ARHGEF15: variants seen among roughly 807,000 people sequenced by gnomAD.
The protein encoded by ARHGEF15 is Rho guanine nucleotide exchange factor 15.
In ARHGEF15, 58 loss-of-function variants were observed where a neutral mutation model predicts 79.7. That is an observed-to-expected ratio of 0.73 (90% CI 0.59 to 0.91). The LOEUF (loss-of-function observed/expected upper bound fraction) is 0.91. Ranked by LOEUF, ARHGEF15 falls within the 40% of genes least tolerant of loss-of-function variation. ARHGEF15 has a pLI of 0.00. For synonymous variants in ARHGEF15, 442 were observed against 456.0 expected (o/e 0.97, Z 0.39); for missense variants, 1,012 against 1,108.1 (o/e 0.91, Z 1.23).
chr17:8,315,140 TCTC>T lies in ARHGEF15; in HGVS notation c.1125_1127del (p.Pro376del). ...GGGGGTGGGTGAGGATGGGAGTCCTTCTCCAGCAAATGCTGGAGATGCACCCAC... is the reference window on the plus strand; with the variant it reads ...GGGGGTGGGTGAGGATGGGAGTCCTTCAGCAAATGCTGGAGATGCACCCAC... On this transcript the variant is annotated inframe_deletion, in exon 6 of 16. Coordinates refer to ENST00000361926, the MANE Select transcript of ARHGEF15 (RefSeq NM_173728.4). This position sits in a 1 kb window ranked among gnomAD's most constrained non-coding sequence, Gnocchi z 4.3. 1 of 1,613,946 alleles carries T rather than the reference TCTC, an allele frequency of 6.2e-7. No homozygotes were observed. Among genetic ancestry groups the T allele is most frequent in the South Asian group, 1.1e-5 (1 of 91,076 alleles).
chr17:8,314,955 C>A lies in ARHGEF15; in HGVS notation c.1039C>A (p.Leu347Met), dbSNP rs1904908731. The change falls in exon 5 of 16, where the codon CTG (leucine) becomes ATG (methionine). Residue 347 changes from leucine to methionine, a missense_variant. This residue lies in a region of ARHGEF15 where 818 missense variants were observed against 882.5 expected (regional missense o/e 0.93). Coordinates refer to ENST00000361926, the MANE Select transcript of ARHGEF15 (RefSeq NM_173728.4). ...VLKEQNWELP[L>M]QDEPLYQTYR... is the part of the protein sequence containing the mutation. ...GAAGGAGCAGAATTGGGAGCTGCCC[C>A]TGCAGGATGGTGAGGGCCTCTGGAC... 1 of 1,613,928 alleles carries A rather than the reference C, an allele frequency of 6.2e-7. No individual in the cohort carries two copies. The highest frequency in any genetic ancestry group is 8.5e-7 in the Non-Finnish European group (1 of 1,180,000).
At chr17:8,313,349 C>G in intron 3 of ARHGEF15, 95 bp downstream of exon 3, 2 of 1,507,646 alleles carry the variant, frequency 1.3e-6, no homozygotes, top group Non-Finnish European at 1.8e-6. Flanking sequence ...CCCCAACAGG[C>G]ACTGGGCTCT....
At chr17:8,312,774 G>C (rs1904733718) in intron 2 of ARHGEF15, 134 bp downstream of exon 2, 1 of 1,578,848 alleles carries the variant, frequency 6.3e-7, no homozygotes. Flanking sequence ...CTGTATGTCG[G>C]GATTTGAAGG....
chr17:8,315,365 C>T lies in ARHGEF15; in HGVS notation c.1261-49C>T, dbSNP rs766715973. On this transcript the variant is annotated intron_variant, in intron 6 of 15. Coordinates refer to ENST00000361926, the MANE Select transcript of ARHGEF15 (RefSeq NM_173728.4). This position sits in a 1 kb window ranked among gnomAD's most constrained non-coding sequence, Gnocchi z 4.3. ...AGGGGAGGAGGGCCCAGGGTCCTAG[C>T]TTCCCACGGTGAACTGGGCTTCCCA... is the stretch of plus-strand genomic sequence containing the variant. The T allele has an allele frequency of 6.2e-7, 1 of 1,612,506 alleles. No individual in the cohort carries two copies. Among genetic ancestry groups the T allele is most frequent in the South Asian group, 1.1e-5 (1 of 90,908 alleles).
chr17:8,320,784 G>A (rs990375127), intron 15 of ARHGEF15, 58 bp from the exon 16 acceptor site: 8 of 1,568,038 alleles, frequency 5.1e-6, no homozygotes, highest in Non-Finnish European at 5.2e-6. Context: ...GGCCCCCTTT[G>A]CCTCCTCACC....
Position 8,319,083 on chromosome 17 carries a change from C to T in ARHGEF15, c.2110C>T (p.Pro704Ser). 1 of 1,614,016 alleles carries T rather than the reference C, an allele frequency of 6.2e-7. No homozygotes were observed. The highest frequency in any genetic ancestry group is 8.5e-7 in the Non-Finnish European group (1 of 1,180,000). Residue 704 changes from proline to serine, a missense_variant, in exon 13 of 16, where the codon CCC (proline) becomes TCC (serine). Physicochemically the swap from Pro to Ser is moderately conservative, Grantham distance 74. Coordinates refer to ENST00000361926, the MANE Select transcript of ARHGEF15 (RefSeq NM_173728.4). Reference protein sequence around the residue: ...QAQQVPDPSGPPTFRLSLLSN... With the variant: ...QAQQVPDPSGSPTFRLSLLSN... ...CCAGCAGGTTCCGGATCCATCTGGACCCCCTACCTTCCGCCTCTCCCTTCT... is the reference window on the plus strand; with the variant it reads ...CCAGCAGGTTCCGGATCCATCTGGATCCCCTACCTTCCGCCTCTCCCTTCT...
chr17:8,312,841 C>T, intron 2 of ARHGEF15, 81 bp from the exon 3 acceptor site: 3 of 1,560,110 alleles, frequency 1.9e-6, no homozygotes, highest in African/African-American at 1.3e-5. Flanking sequence ...AGTTGCTGGG[C>T]AGGTTAAAGA....
intron 1 of ARHGEF15, 148 bp from the exon 2 acceptor site, chr17:8,311,843 G>A (rs1009651471): frequency 2.0e-5 from 10 of 490,822 alleles, no homozygotes; most frequent in African/African-American, 4.0e-5. Flanking sequence ...GACACGGAGC[G>A]GCTGTATCCC....
chr17:8,318,608 G>C lies in ARHGEF15; in HGVS notation c.1818G>C (p.Lys606Asn), dbSNP rs1204838822. ...GCAGCGCTGAGGTGGGGCGCATGAA[G>C]CAGACTGAAGAGCTGATCCGGCTCA... ...ERCSAEVGRM[K>N]QTEELIRLTQ... is the part of the protein sequence containing the mutation. The change falls in exon 11 of 16, where the codon AAG becomes AAC. Residue 606 changes from lysine (K) to asparagine (N), a missense_variant. Transcript: ENST00000361926. This position sits in a 1 kb window ranked among gnomAD's most constrained non-coding sequence, Gnocchi z 5.0. 1 of 1,613,730 alleles carries C rather than the reference G, an allele frequency of 6.2e-7. No homozygotes were observed. Among genetic ancestry groups the C allele is most frequent in the East Asian group, 2.2e-5 (1 of 44,880 alleles).
intron 9 of ARHGEF15, among the ~76,000 whole-genome samples, chr17:8,317,711 A>C (rs942879679): frequency 2.6e-5 from 4 of 152,032 alleles, no homozygotes; most frequent in African/African-American, 9.7e-5. Context: ...TAATCTAAGC[A>C]CTCTTAGCTA....
Position 8,313,172 on chromosome 17 carries a change from T to G in ARHGEF15, c.852T>G (p.Thr284=). The change falls in exon 3 of 16, where the codon ACT becomes ACG. Residue 284 remains threonine (T), a synonymous_variant. Coordinates refer to ENST00000361926, the MANE Select transcript of ARHGEF15 (RefSeq NM_173728.4). ...CACTCCTCAAGCCTCCCAAACCAAC[T>G]CGTGTCAGGCAGGATGCCACCATTT... The part of the protein sequence containing the change: ...LLPLLKPPKP[T]RVRQDATIFG... 6.3e-7 allele frequency: 1 copy of G among 1,578,232 alleles called. No individual in the cohort carries two copies. The highest frequency in any genetic ancestry group is 8.6e-7 in the Non-Finnish European group (1 of 1,159,042).
At chr17:8,316,488 C>T (rs147579158) in intron 9 of ARHGEF15, among the ~76,000 whole-genome samples, 7 of 152,168 alleles carry the variant, frequency 4.6e-5, no homozygotes, top group Non-Finnish European at 7.3e-5. Context: ...AGTGTGTGAG[C>T]GGTTTTTGAG....
At chr17:8,320,332 C>T (rs1163197793) in intron 15 of ARHGEF15, among the ~76,000 whole-genome samples, 1 of 151,240 alleles carries the variant, frequency 6.6e-6, no homozygotes, top group African/African-American at 2.4e-5. Context: ...GTTGGGCAGA[C>T]TGAAATTTTC....
chr17:8,313,096 C>A lies in ARHGEF15; in HGVS notation c.776C>A (p.Pro259His). The A allele has an allele frequency of 6.2e-7, 1 of 1,613,698 alleles. No individual in the cohort carries two copies. Among genetic ancestry groups the A allele is most frequent in the Non-Finnish European group, 8.5e-7 (1 of 1,179,938 alleles). Residue 259 changes from proline (P) to histidine (H), a missense_variant, in exon 3 of 16, where the codon CCT becomes CAT. By Grantham distance (77) the Pro-to-His change is moderately conservative (BLOSUM62 -2). This residue lies in a region of ARHGEF15 where 818 missense variants were observed against 882.5 expected (regional missense o/e 0.93). Coordinates refer to ENST00000361926, the MANE Select transcript of ARHGEF15 (RefSeq NM_173728.4). ...SRPHPPSIGH[P>H]AVVLTSYRST... Reference sequence around the variant, plus strand: ...CCCCACCCTCCAAGCATCGGTCACCCTGCCGTTGTCCTCACATCCTACCGC... The same window carrying A: ...CCCCACCCTCCAAGCATCGGTCACCATGCCGTTGTCCTCACATCCTACCGC...
intron 15 of ARHGEF15, among the ~76,000 whole-genome samples, chr17:8,319,877 TC>T (rs1437537386): frequency 1.3e-5 from 2 of 151,858 alleles, no homozygotes; most frequent in African/African-American, 4.8e-5. Flanking sequence ...AGGTGATCCG[TC>T]CCCTTTCACC....
chr17:8,314,765 C>T (rs1403389889), intron 4 of ARHGEF15, 141 bp from the exon 5 acceptor site: 1 of 591,368 alleles, frequency 1.7e-6, no homozygotes, highest in Non-Finnish European at 2.6e-6. Flanking sequence ...AAAAAAAAAG[C>T]CTGAGGTTTG....
In ARHGEF15 at chr17:8,313,518, G is replaced by T. The variant is rs755121072; in HGVS notation, c.952G>T (p.Ala318Ser). Residue 318 changes from alanine to serine, a missense_variant, in exon 4 of 16, where the codon GCT becomes TCT. This residue lies in a region of ARHGEF15 where 818 missense variants were observed against 882.5 expected (regional missense o/e 0.93). Transcript: ENST00000361926. Reference sequence around the variant, plus strand: ...CTCTCCAGGGGACAGTCCTGATGAAGCTCCTCAGAATACTCCTCCAGCAAC... The same window carrying T: ...CTCTCCAGGGGACAGTCCTGATGAATCTCCTCAGAATACTCCTCCAGCAAC... ...GIQTGDSPDE[A>S]PQNTPPATVE... 6 of 1,613,390 alleles carry T rather than the reference G, an allele frequency of 3.7e-6. No individual in the cohort carries two copies. The highest frequency in any genetic ancestry group is 1.7e-5 in the Admixed American group (1 of 59,954).
chr17:8,315,256 C>G lies in ARHGEF15; in HGVS notation c.1239C>G (p.Pro413=). The change falls in exon 6 of 16, where the codon CCC becomes CCG. Residue 413 remains proline, a synonymous_variant. Coordinates refer to ENST00000361926, the MANE Select transcript of ARHGEF15 (RefSeq NM_173728.4). This position sits in a 1 kb window ranked among gnomAD's most constrained non-coding sequence, Gnocchi z 4.3. ...GCGGTCTTCTGGATACCCTCAGCCC[C>G]CAGGAGAGGCGCATGCAGGAGGTGG... is the stretch of plus-strand genomic sequence containing the variant. The part of the protein sequence containing the change: ...QASGLLDTLS[P]QERRMQESLF... The G allele has an allele frequency of 1.2e-6, 2 of 1,613,282 alleles. No individual in the cohort carries two copies. Among genetic ancestry groups the G allele is most frequent in the Non-Finnish European group, 1.7e-6 (2 of 1,179,898 alleles).
Position 8,312,313 on chromosome 17 carries a change from G to C in ARHGEF15, c.274G>C (p.Asp92His). ...CAGCCTCGACTCCCAGACTTCCCCA[G>C]ACTCACCTTCCAGCACCCCCACACC... ...RASLDSQTSP[D>H]SPSSTPTPSP... is the part of the protein sequence containing the mutation. Residue 92 changes from aspartate (D) to histidine (H), a missense_variant, in exon 2 of 16, where the codon GAC becomes CAC. Asp to His is a moderately conservative substitution (Grantham distance 81, BLOSUM62 -1). This residue lies in a region of ARHGEF15 where 818 missense variants were observed against 882.5 expected (regional missense o/e 0.93). Transcript: ENST00000361926. 1 of 1,565,580 alleles carries C rather than the reference G, an allele frequency of 6.4e-7. No homozygotes were observed. Among genetic ancestry groups the C allele is most frequent in the Non-Finnish European group, 8.6e-7 (1 of 1,157,530 alleles).
Sources: allele counts gnomAD v4.1 joint callset (sites outside exome capture counted in the v4.1 genomes callset), GRCh38; gene constraint gnomAD v4.1.1; regional missense constraint gnomAD v4.1.1; non-coding constraint Gnocchi (gnomAD v3.1); transcripts MANE v1.5; gene names NCBI Gene and HGNC (gene_info 2026-07-23, HGNC 2026-07-21).